TRHDE: variants seen among roughly 807,000 people sequenced by gnomAD.
The protein encoded by TRHDE is thyrotropin releasing hormone degrading enzyme.
TRHDE carries 72 observed loss-of-function variants against 125.7 expected under a neutral mutation model. The ratio of observed to expected loss-of-function variants is 0.57; its 90% CI spans 0.47 to 0.70. The LOEUF (loss-of-function observed/expected upper bound fraction) is 0.70, where lower values mean the gene tolerates loss of function less well. Among genes scored for constraint, TRHDE ranks in the 30% least tolerant of loss-of-function variants. TRHDE has a pLI of 0.00. For missense variants in TRHDE, 1,110 were observed against 1,327.1 expected, an observed-to-expected ratio of 0.84 and a Z score of 2.54; for synonymous variants, 509 against 509.1, an observed-to-expected ratio of 1.00 and a Z score of 0.00.
intron 6 of TRHDE, among the ~76,000 whole-genome samples, chr12:72,508,535 G>A (rs761586650): frequency 6.6e-6 from 1 of 152,150 alleles, no homozygotes; most frequent in Non-Finnish European, 1.5e-5. Flanking sequence ...TTTGGAATGG[G>A]AGTATTTACC....
intron 2 of TRHDE, among the ~76,000 whole-genome samples, chr12:72,166,191 G>T (rs1876743021): frequency 5.9e-5 from 9 of 152,020 alleles, no homozygotes; most frequent in Admixed American, 5.9e-4. Flanking sequence ...TCTAAACATA[G>T]AAAAAGTATA....
At position 72,625,168 on chromosome 12, in the gene TRHDE, G is replaced by A. The variant is rs879733045; in HGVS notation, c.2675+3417G>A. Among the ~76,000 whole-genome samples, 7 of 151,876 alleles carry A rather than the reference G, an allele frequency of 4.6e-5. 1 individual carries two copies. Among genetic ancestry groups the A allele is most frequent in the Middle Eastern group, 3.4e-3 (1 of 294 alleles). ...GTTAACTGTACAGAGATCAAATATG[G>A]TATTATAGGGTTTTCTCTAAGTAAT... On this transcript the variant is annotated intron_variant, in intron 15 of 18. Transcript: ENST00000261180.
chr12:72,284,486 C>T (rs1879808964), intron 1 of TRHDE, among the ~76,000 whole-genome samples: 1 of 152,082 alleles, frequency 6.6e-6, no homozygotes, highest in African/African-American at 2.4e-5. Context: ...TAAATGGGTG[C>T]ATTTTAACTA....
At chr12:72,189,721 A>G (rs1439364394) in intron 2 of TRHDE, among the ~76,000 whole-genome samples, 2 of 152,198 alleles carry the variant, frequency 1.3e-5, no homozygotes, top group Non-Finnish European at 2.9e-5. Flanking sequence ...CTTTGGAGGC[A>G]ACATATCCCA....
chr12:72,434,940 G>T lies in TRHDE; in HGVS notation c.1316-34818G>T, dbSNP rs1592442561. ...AGTTGTTCTTTGAACTACAGAACAGGGATGGCAACTTTAAATAGTTTAAAT... is the reference window on the plus strand; with the variant it reads ...AGTTGTTCTTTGAACTACAGAACAGTGATGGCAACTTTAAATAGTTTAAAT... On this transcript the variant is annotated intron_variant, in intron 3 of 18. Coordinates refer to ENST00000261180, the MANE Select transcript of TRHDE (RefSeq NM_013381.3). 2.6e-5 allele frequency among the ~76,000 whole-genome samples: 4 copies of T among 152,244 alleles called. 1 individual carries two copies. Among genetic ancestry groups the T allele is most frequent in the Admixed American group, 2.6e-4 (4 of 15,282 alleles).
At chr12:72,654,695 C>T (rs558905561) in intron 17 of TRHDE, among the ~76,000 whole-genome samples, 2 of 152,204 alleles carry the variant, frequency 1.3e-5, no homozygotes, top group African/African-American at 4.8e-5. Context: ...TCTACATAGG[C>T]GTCCCCTTTT....
At chr12:72,349,626 T>C (rs557816556) in intron 2 of TRHDE, among the ~76,000 whole-genome samples, 25 of 152,136 alleles carry the variant, frequency 1.6e-4, no homozygotes, top group African/African-American at 6.0e-4. Context: ...CTACTGACTT[T>C]ACACTGAGGC....
At chr12:72,349,948 G>C (rs1870506293) in intron 2 of TRHDE, among the ~76,000 whole-genome samples, 2 of 151,836 alleles carry the variant, frequency 1.3e-5, no homozygotes, top group Admixed American at 6.6e-5. Flanking sequence ...AGATCTAAAA[G>C]TTCATAAAAT....
rs1001471691 is a variant in TRHDE at position 72,113,986 on chromosome 12, A to AT, written n.279+8243dup. Among the ~76,000 whole-genome samples the AT allele has an allele frequency of 1.5e-3, 222 of 151,016 alleles. 2 individuals are homozygous for AT. The highest frequency in any genetic ancestry group is 5.0e-3 in the African/African-American group (204 of 41,128). The stretch of plus-strand genomic sequence containing the variant: ...GTTATTTGTTAAGGTTTTACCTTAG[A>AT]TTTTTTTTTCTTTTTTACCAGAATC... On this transcript the variant is annotated intron_variant and non_coding_transcript_variant, in intron 2 of 4. Transcript: ENST00000548156.
chr12:72,104,297 C>T (rs553841716), intron 1 of TRHDE, among the ~76,000 whole-genome samples: 1 of 152,232 alleles, frequency 6.6e-6, no homozygotes, highest in South Asian at 2.1e-4. Context: ...ATGTGAGGGT[C>T]CGAGACTCTC....
At chr12:72,389,837 C>T (rs997864076) in intron 3 of TRHDE, among the ~76,000 whole-genome samples, 2 of 152,144 alleles carry the variant, frequency 1.3e-5, no homozygotes, top group Non-Finnish European at 2.9e-5. Context: ...TTGGCTGCCT[C>T]ATGTAGAACA....
chr12:72,294,553 C>T (rs185571971), intron 2 of TRHDE, among the ~76,000 whole-genome samples: 2 of 152,184 alleles, frequency 1.3e-5, no homozygotes, highest in South Asian at 4.1e-4. Context: ...GATGTCTGCT[C>T]AGCTCTGGCT....
At chr12:72,204,286 C>T (rs1488114910) in intron 2 of TRHDE, among the ~76,000 whole-genome samples, 2 of 152,096 alleles carry the variant, frequency 1.3e-5, no homozygotes, top group Non-Finnish European at 2.9e-5. Flanking sequence ...TCCACATTTT[C>T]CTTCATCTAA....
chr12:72,640,494 C>G (rs563190264), intron 15 of TRHDE, among the ~76,000 whole-genome samples: 6 of 152,190 alleles, frequency 3.9e-5, no homozygotes, highest in Non-Finnish European at 5.9e-5. Flanking sequence ...AGCTGTAGAC[C>G]GGAGCTGTTC....
At position 72,670,439 on chromosome 12, in the gene TRHDE, C is replaced by A. The variant is rs191928037; in HGVS notation, c.*7244C>A. 6.6e-6 allele frequency: 1 copy of A among 151,730 alleles called. No individual in the cohort carries two copies. The highest frequency in any genetic ancestry group is 6.6e-5 in the Admixed American group (1 of 15,186). 9.4% of individuals were successfully genotyped at this position (151,730 alleles called of 1,614,324 possible). ...AGCAGAAAAAATATGAATTCTGCCTCTGATAATCAAATTTTGTACAGCAAT... is the reference window on the plus strand; with the variant it reads ...AGCAGAAAAAATATGAATTCTGCCTATGATAATCAAATTTTGTACAGCAAT... On this transcript the variant is annotated 3_prime_UTR_variant, in exon 19 of 19. Transcript: ENST00000261180.
intron 2 of TRHDE, among the ~76,000 whole-genome samples, chr12:72,182,799 G>A (rs1877121281): frequency 6.6e-6 from 1 of 152,116 alleles, no homozygotes; most frequent in African/African-American, 2.4e-5. Context: ...GTAGGAAGAG[G>A]GTAAAGAGAA....
chr12:72,088,995 A>G (rs1462857969), intron 1 of TRHDE, among the ~76,000 whole-genome samples: 1 of 152,140 alleles, frequency 6.6e-6, no homozygotes, highest in Non-Finnish European at 1.5e-5. Flanking sequence ...AGATATCTCC[A>G]AATCAATATG....
intron 3 of TRHDE, among the ~76,000 whole-genome samples, chr12:72,456,047 ATAT>A (rs1227872912): frequency 6.6e-6 from 1 of 150,968 alleles, no homozygotes; most frequent in Non-Finnish European, 1.5e-5. Flanking sequence ...TATATATGTA[ATAT>A]TATGCAGTAT....
At chr12:72,340,615 G>T (rs140066412) in intron 2 of TRHDE, among the ~76,000 whole-genome samples, 145 of 152,118 alleles carry the variant, frequency 9.5e-4, no homozygotes, top group African/African-American at 3.3e-3. Flanking sequence ...CTGTTGTCCT[G>T]CCGTGGGTGG....
Sources: allele counts gnomAD v4.1 joint callset (sites outside exome capture counted in the v4.1 genomes callset), GRCh38; gene constraint gnomAD v4.1.1; transcripts MANE v1.5; gene names NCBI Gene and HGNC (gene_info 2026-07-23, HGNC 2026-07-21).